D2HGDH: variants seen among roughly 807,000 people sequenced by gnomAD.
The protein encoded by D2HGDH is D-2-hydroxyglutarate dehydrogenase.
D2HGDH carries 31 observed loss-of-function variants against 46.9 expected under a neutral mutation model. The observed-to-expected ratio is 0.66, with a 90% CI of 0.50 to 0.89. D2HGDH has a LOEUF of 0.89. D2HGDH is among the 40% of genes least tolerant of loss of function. D2HGDH has a pLI of 0.00. For synonymous variants in D2HGDH, 364 were observed against 332.6 expected (o/e 1.09, Z -1.03); for missense variants, 698 against 720.8 (o/e 0.97, Z 0.36).
intron 2 of D2HGDH, among the ~76,000 whole-genome samples, chr2:241,736,971 T>C (rs1462946072): frequency 3.3e-5 from 5 of 151,314 alleles, no homozygotes; most frequent in African/African-American, 9.7e-5. Context: ...GGACCGTTTT[T>C]TCTTTTTGTT....
intron 6 of D2HGDH, 38 bp downstream of exon 6, chr2:241,744,915 G>T (rs752278763): frequency 6.2e-7 from 1 of 1,613,204 alleles, no homozygotes; most frequent in East Asian, 2.2e-5. Flanking sequence ...ATGGGTGGTT[G>T]GGCTCGAGCG....
chr2:241,755,234 TC>T (rs1697973919), intron 8 of D2HGDH: 3 of 814,562 alleles, frequency 3.7e-6, no homozygotes. Context: ...TGTCCTTCCC[TC>T]CCCCGTGGCC....
Position 241,742,151 on chromosome 2 carries a change from A to T in D2HGDH, c.351-284A>T, listed in dbSNP as rs1167602481. 6.6e-6 allele frequency among the ~76,000 whole-genome samples: 1 copy of T among 152,104 alleles called. No homozygotes were observed. The highest frequency in any genetic ancestry group is 1.5e-5 in the Non-Finnish European group (1 of 68,010). ...TGTGAGCATGGTGTGAACGGGAAGG[A>T]TGGGAGCCGGGCGTGTAGGACGTTC... is the stretch of plus-strand genomic sequence containing the variant. On this transcript the variant is annotated intron_variant, in intron 3 of 9. Coordinates refer to ENST00000321264, the MANE Select transcript of D2HGDH (RefSeq NM_152783.5). The surrounding 1 kb of genome is among the most constrained non-coding windows in gnomAD (Gnocchi z 4.8).
intron 2 of D2HGDH, among the ~76,000 whole-genome samples, chr2:241,736,821 C>T (rs948081331): frequency 1.1e-4 from 16 of 152,046 alleles, no homozygotes; most frequent in East Asian, 1.9e-4. Flanking sequence ...CCACCATGCC[C>T]GGCTAATTTT....
intron 8 of D2HGDH, 133 bp downstream of exon 8, chr2:241,751,521 C>A: frequency 7.3e-7 from 1 of 1,376,994 alleles, no homozygotes; most frequent in Non-Finnish European, 1.0e-6. Flanking sequence ...GGTTTCATGG[C>A]TTTGAGAGAG....
In D2HGDH at chr2:241,768,165, G is replaced by A. The variant is rs1159529175; in HGVS notation, c.*196G>A. ...GAGCATCTGGCAGAGTGGGGGGCGT[G>A]GCAGGCACCCTCCTTTGCAGGGCGA... is the stretch of plus-strand genomic sequence containing the variant. On this transcript the variant is annotated 3_prime_UTR_variant, in exon 10 of 10. Transcript: ENST00000321264. The A allele has an allele frequency of 8.3e-6, 7 of 845,576 alleles. No homozygotes were observed. The East Asian group carries it at 1.9e-4, about 23-fold the overall frequency. 52.4% of individuals were successfully genotyped at this position (845,576 alleles called of 1,614,324 possible).
chr2:241,750,056 C>A, intron 6 of D2HGDH, 95 bp from the exon 7 acceptor site: 1 of 1,588,278 alleles, frequency 6.3e-7, no homozygotes, highest in Admixed American at 1.7e-5. Context: ...CTCACCCACC[C>A]ACATGAGTCG....
At chr2:241,748,907 C>T (rs1696570174) in intron 6 of D2HGDH, 2 of 1,298,208 alleles carry the variant, frequency 1.5e-6, no homozygotes, top group African/African-American at 1.5e-5. Flanking sequence ...AGCCCGAGGC[C>T]AGCCCGGCTG....
chr2:241,737,757 G>T (rs576309918), intron 2 of D2HGDH, among the ~76,000 whole-genome samples: 1 of 152,156 alleles, frequency 6.6e-6, no homozygotes, highest in Non-Finnish European at 1.5e-5. Flanking sequence ...GGGTATGGTG[G>T]CATGTGTCTG....
chr2:241,765,101 G>T (rs111943006), intron 9 of D2HGDH, among the ~76,000 whole-genome samples: 1 of 152,206 alleles, frequency 6.6e-6, no homozygotes, highest in South Asian at 2.1e-4. Flanking sequence ...ACCCATGGGG[G>T]TGGGGGCGTC....
In D2HGDH at chr2:241,767,979, C is replaced by T; in HGVS notation, c.*10C>T. Reference sequence around the variant, plus strand: ...GCCCAGCCAGGCCTGACGGCCACTCCTGCTGCTGCCAAGGCCCACTGGGGG... The same window carrying T: ...GCCCAGCCAGGCCTGACGGCCACTCTTGCTGCTGCCAAGGCCCACTGGGGG... On this transcript the variant is annotated 3_prime_UTR_variant, in exon 10 of 10. Coordinates refer to ENST00000321264, the MANE Select transcript of D2HGDH (RefSeq NM_152783.5). 1 of 1,581,008 alleles carries T rather than the reference C, an allele frequency of 6.3e-7. No individual in the cohort carries two copies. Among genetic ancestry groups the T allele is most frequent in the Non-Finnish European group, 8.6e-7 (1 of 1,168,446 alleles).
Position 241,744,893 on chromosome 2 carries a change from G to A in D2HGDH, c.853+16G>A. 1 of 1,613,934 alleles carries A rather than the reference G, an allele frequency of 6.2e-7. No individual in the cohort carries two copies. Among genetic ancestry groups the A allele is most frequent in the Non-Finnish European group, 8.5e-7 (1 of 1,179,912 alleles). Reference sequence around the variant, plus strand: ...GCTTTCCTCGGTGGGCTTCCTCGATGTGTGCCTTGAGATGGGTGGTTGGGC... The same window carrying A: ...GCTTTCCTCGGTGGGCTTCCTCGATATGTGCCTTGAGATGGGTGGTTGGGC... On this transcript the variant is annotated intron_variant, in intron 6 of 9. Transcript: ENST00000321264.
At chr2:241,737,961 A>G (rs892646422) in intron 2 of D2HGDH, among the ~76,000 whole-genome samples, 3 of 152,140 alleles carry the variant, frequency 2.0e-5, no homozygotes, top group Non-Finnish European at 2.9e-5. Flanking sequence ...TATTAAGAAC[A>G]CTCAGAAAGT....
chr2:241,750,497 C>G (rs931424565), intron 7 of D2HGDH, among the ~76,000 whole-genome samples: 1 of 152,208 alleles, frequency 6.6e-6, no homozygotes, highest in African/African-American at 2.4e-5. Context: ...ACAGGCTGCC[C>G]TGGTCCTGTG....
intron 2 of D2HGDH, among the ~76,000 whole-genome samples, chr2:241,740,550 TGCTC>T (rs1201343888): frequency 3.3e-5 from 5 of 152,200 alleles, no homozygotes; most frequent in African/African-American, 1.2e-4. Context: ...GATGGCTTCT[TGCTC>T]TGTCACCCAG....
At chr2:241,752,267 C>T (rs4436996) in intron 8 of D2HGDH, among the ~76,000 whole-genome samples, 10,502 of 152,172 alleles carry the variant, frequency 0.069, 503 homozygotes, top group African/African-American at 0.13. Flanking sequence ...GGCTGGGGTG[C>T]GGTCGGCTGG....
chr2:241,762,598 C>T (rs4538241), intron 9 of D2HGDH, among the ~76,000 whole-genome samples: 65,726 of 151,814 alleles, frequency 0.43, 15,228 homozygotes, highest in African/African-American at 0.62. Flanking sequence ...CTCTGTTCTC[C>T]TCTTGGAACT....
At chr2:241,761,985 G>A (rs558081102) in intron 9 of D2HGDH, among the ~76,000 whole-genome samples, 31 of 152,154 alleles carry the variant, frequency 2.0e-4, no homozygotes, top group Admixed American at 1.8e-3. Flanking sequence ...CTGCTGGTGC[G>A]GAGACAGCCT....
rs375488226 is a variant in D2HGDH at position 241,738,177 on chromosome 2, A to G, written c.292+2661A>G. Among the ~76,000 whole-genome samples the G allele has an allele frequency of 1.1e-4, 16 of 152,302 alleles. No homozygotes were observed. The East Asian group carries it at 2.7e-3, about 26-fold the overall frequency. ...CCCACCCTCACCCTGCTCCCGAAGT[A>G]AGGACCCCTCTGGGGCGATCTCAAG... On this transcript the variant is annotated intron_variant, in intron 2 of 9. Transcript: ENST00000321264.
Sources: gnomAD v4.1 joint callset for allele counts (sites outside exome capture counted in the v4.1 genomes callset) on GRCh38, gnomAD v4.1.1 for gene constraint, Gnocchi (gnomAD v3.1) non-coding constraint, MANE v1.5 for transcripts, NCBI Gene and HGNC (gene_info 2026-07-23, HGNC 2026-07-21) for gene names.